ZNF185: variants seen among roughly 807,000 people sequenced by gnomAD.
ZNF185 encodes the protein zinc finger protein 185.
Under a neutral mutation model 58.6 loss-of-function variants are expected in ZNF185, and 56 were observed. That is an observed-to-expected ratio of 0.95 (90% CI 0.77 to 1.19). The LOEUF (loss-of-function observed/expected upper bound fraction) is 1.19. Ranked by LOEUF, ZNF185 falls within the 50% of genes most tolerant of loss-of-function variation. The pLI is 0.00. For synonymous variants in ZNF185, 230 were observed against 215.9 expected, an observed-to-expected ratio of 1.07 and a Z score of -0.57; for missense variants, 627 against 573.5, an observed-to-expected ratio of 1.09 and a Z score of -0.95.
At chrX:152,943,290 C>T (rs939224484) in intron 15 of ZNF185, among the ~76,000 whole-genome samples, 1 of 111,723 alleles carries the variant, frequency 9.0e-6, no homozygotes, top group Non-Finnish European at 1.9e-5. Flanking sequence ...ACCACTACGC[C>T]GGGACTACAA....
intron 18 of ZNF185, 109 bp from the exon 21 acceptor site, chrX:152,965,338 C>A: frequency 1.5e-6 from 1 of 649,540 alleles, no homozygotes; most frequent in Non-Finnish European, 2.3e-6. Flanking sequence ...TCTTTCACTT[C>A]CTTCAAACCA....
chrX:152,944,516 G>A (rs1310150778), intron 15 of ZNF185, among the ~76,000 whole-genome samples: 1 of 112,381 alleles, frequency 8.9e-6, no homozygotes, highest in Admixed American at 9.4e-5. Context: ...CTTGCACCTC[G>A]GTGTGGGGCT....
At chrX:152,939,733 C>G (rs1161033845) in intron 15 of ZNF185, among the ~76,000 whole-genome samples, 1 of 108,148 alleles carries the variant, frequency 9.2e-6, no homozygotes, top group Non-Finnish European at 1.9e-5. Context: ...GCCAGGCTCA[C>G]GCTACTTTCC....
chrX:152,922,346 G>T (rs1939905361), intron 10 of ZNF185, 90 bp downstream of exon 11: 2 of 887,607 alleles, frequency 2.3e-6, no homozygotes, highest in Admixed American at 5.7e-5. Flanking sequence ...GCACCTCCAT[G>T]CTGGGCTTCG....
intron 15 of ZNF185, among the ~76,000 whole-genome samples, chrX:152,943,555 T>C (rs1480642441): frequency 3.5e-5 from 4 of 112,719 alleles, no homozygotes; most frequent in Non-Finnish European, 7.5e-5. Context: ...GGATGTTACA[T>C]TGTCCAGCAG....
At chrX:152,920,209 T>G in intron 7 of ZNF185, 119 bp from the exon 9 acceptor site, 1 of 591,153 alleles carries the variant, frequency 1.7e-6, no homozygotes, top group Non-Finnish European at 2.6e-6. Flanking sequence ...ATCTGGTTTC[T>G]CTCACCCCTT....
the ZNF185 span, among the ~76,000 whole-genome samples, chrX:152,904,796 C>G: frequency 1.8e-5 from 2 of 112,106 alleles, no homozygotes; most frequent in Non-Finnish European, 3.8e-5. Context: ...TAGCCCCCTC[C>G]CCGGGAAGTA....
chrX:152,924,014 G>A (rs1466649284), intron 11 of ZNF185, among the ~76,000 whole-genome samples: 2 of 111,864 alleles, frequency 1.8e-5, no homozygotes, highest in Admixed American at 9.4e-5. Context: ...TCAAGGTGAC[G>A]GCAAGGTTGG....
chrX:152,932,287 G>A (rs1196387437), intron 13 of ZNF185, among the ~76,000 whole-genome samples: 1 of 112,515 alleles, frequency 8.9e-6, no homozygotes, highest in Non-Finnish European at 1.9e-5. Flanking sequence ...GTGGCAAGGG[G>A]TGAGGGGTCC....
At chrX:152,905,007 C>T in the ZNF185 span, among the ~76,000 whole-genome samples, 3 of 112,644 alleles carry the variant, frequency 2.7e-5, no homozygotes, top group Non-Finnish European at 3.8e-5. Flanking sequence ...GTGAGTGACG[C>T]GTCCAGTGAC....
intron 3 of ZNF185, among the ~76,000 whole-genome samples, chrX:152,915,777 C>G (rs192337751): frequency 2.3e-3 from 259 of 112,504 alleles, no homozygotes; most frequent in Admixed American, 5.3e-3. Context: ...TAGGGGGGCT[C>G]TGAAGCGTGG....
intron 5 of ZNF185, chrX:152,917,737 G>A (rs1267507932): frequency 1.1e-6 from 1 of 889,134 alleles, no homozygotes; most frequent in African/African-American, 2.0e-5. Flanking sequence ...TGATGGCATT[G>A]AGAAGGCTGA....
At chrX:152,910,737 G>T (rs183763417), upstream of ZNF185, among the ~76,000 whole-genome samples, 1 of 112,214 alleles carries the variant, frequency 8.9e-6, no homozygotes, top group Admixed American at 9.4e-5. Context: ...TGGACCAGCA[G>T]GCCTGCCCTT....
At chrX:152,961,025 C>T (rs1482020711) in intron 17 of ZNF185, among the ~76,000 whole-genome samples, 1 of 112,269 alleles carries the variant, frequency 8.9e-6, no homozygotes, top group African/African-American at 3.2e-5. Flanking sequence ...GGACTGGCTG[C>T]ATTTTCAAGA....
chrX:152,928,608 C>A lies in ZNF185; in HGVS notation c.864C>A (p.Ile288=), dbSNP rs969649052. The A allele has an allele frequency of 5.0e-6, 6 of 1,210,721 alleles. No individual in the cohort carries two copies. The African/African-American group carries it at 8.7e-5, about 18-fold the overall frequency. Residue 288 remains isoleucine (I), a synonymous_variant, in exon 12 of 23, where the codon ATC becomes ATA. Transcript: ENST00000449285. ...GTGAGGAAATTGTCCGCCTGCAGAT[C>A]CTGACACCCAGGGCAGGACTCCGCC...
intron 8 of ZNF185, 80 bp from the exon 10 acceptor site, chrX:152,920,627 G>C: frequency 8.6e-7 from 1 of 1,160,650 alleles, no homozygotes; most frequent in African/African-American, 1.8e-5. Context: ...GAGGGCCCAG[G>C]ACCCTCTGAG....
intron 14 of ZNF185, 34 bp downstream of exon 16, chrX:152,936,547 C>G: frequency 1.8e-6 from 2 of 1,124,915 alleles, no homozygotes; most frequent in South Asian, 3.9e-5. Context: ...GTGCCCTATC[C>G]CATTGCCAGA....
At chrX:152,916,087 C>T (rs1938402841) in intron 3 of ZNF185, among the ~76,000 whole-genome samples, 1 of 112,085 alleles carries the variant, frequency 8.9e-6, no homozygotes, top group African/African-American at 3.2e-5. Context: ...ACTGACGTCC[C>T]AGCAGGGGAC....
intron 11 of ZNF185, among the ~76,000 whole-genome samples, chrX:152,923,735 C>T (rs1940257679): frequency 8.9e-6 from 1 of 111,788 alleles, no homozygotes; most frequent in Admixed American, 9.5e-5. Flanking sequence ...ATACGGTTCG[C>T]GCTCTCATGA....
Sources: allele counts gnomAD v4.1 joint callset (sites outside exome capture counted in the v4.1 genomes callset), GRCh38; gene constraint gnomAD v4.1.1; transcripts MANE v1.5; gene names NCBI Gene and HGNC (gene_info 2026-07-23, HGNC 2026-07-21).